Variants in COL21A1 observed in about 807,000 individuals in gnomAD.
COL21A1 encodes the protein collagen alpha-1(XXI) chain.
In COL21A1, 149 loss-of-function variants were observed where a neutral mutation model predicts 137.9. The ratio of observed to expected loss-of-function variants is 1.08; its 90% CI spans 0.95 to 1.24. COL21A1 has a LOEUF of 1.24. COL21A1 is among the 50% of genes most tolerant of loss of function. The pLI is 0.00. For missense variants in COL21A1, 1,167 were observed against 1,158.4 expected (o/e 1.01, Z -0.11); for synonymous variants, 456 against 391.5 (o/e 1.16, Z -1.95).
intron 25 of COL21A1, 44 bp downstream of exon 25, chr6:56,061,605 C>T: frequency 7.0e-7 from 1 of 1,432,162 alleles, no homozygotes; most frequent in Non-Finnish European, 9.7e-7. Flanking sequence ...GCAAAAAGGA[C>T]CGAAGAAAGA....
intron 17 of COL21A1, among the ~76,000 whole-genome samples, chr6:56,088,289 G>A (rs567360807): frequency 3.3e-5 from 5 of 152,128 alleles, no homozygotes; most frequent in Admixed American, 6.5e-5. Context: ...GCTTGACCCC[G>A]GGAGGTGGAG....
intron 1 of COL21A1, among the ~76,000 whole-genome samples, chr6:56,190,665 G>A (rs1778607982): frequency 6.6e-6 from 1 of 152,208 alleles, no homozygotes; most frequent in South Asian, 2.1e-4. Context: ...AAATATCCCT[G>A]ATGAACATCG....
intron 1 of COL21A1, among the ~76,000 whole-genome samples, chr6:56,354,444 GA>G (rs1765785955): frequency 6.6e-6 from 1 of 152,008 alleles, no homozygotes; most frequent in Non-Finnish European, 1.5e-5. Context: ...ATGACAAAAA[GA>G]GTAGCCATTT....
At chr6:56,211,213 GTATATGTATATATACATA>G (rs973538589) in intron 1 of COL21A1, among the ~76,000 whole-genome samples, 2 of 29,638 alleles carry the variant, frequency 6.7e-5, no homozygotes, top group Non-Finnish European at 1.2e-4. Context: ...ACATATATAT[GTATATGTATATATACATA>G]TATATGTATA....
At chr6:56,061,065 T>C (rs747381927) in intron 25 of COL21A1, 28 bp from the exon 26 acceptor site, 1 of 1,559,204 alleles carries the variant, frequency 6.4e-7, no homozygotes, top group Non-Finnish European at 8.6e-7. Flanking sequence ...CTTTACAAGT[T>C]CTATTTAAAT....
intron 16 of COL21A1, among the ~76,000 whole-genome samples, chr6:56,117,775 G>T (rs1262391267): frequency 6.6e-6 from 1 of 151,840 alleles, no homozygotes; most frequent in Non-Finnish European, 1.5e-5. Flanking sequence ...TCAATAACAA[G>T]AGGTATTTTG....
At chr6:56,077,318 G>A (rs1032377371) in intron 18 of COL21A1, among the ~76,000 whole-genome samples, 18 of 151,248 alleles carry the variant, frequency 1.2e-4, no homozygotes, top group Non-Finnish European at 1.6e-4. Context: ...AAAGGAGGAA[G>A]CATATAATGT....
In COL21A1 at chr6:56,141,998, A is replaced by T; in HGVS notation, c.1435-15T>A. On this transcript the variant is annotated splice_polypyrimidine_tract_variant and intron_variant, in intron 10 of 29. Transcript: ENST00000244728. ...CCCTGATATCCCTAAAGAAAAATTT[A>T]AAAAGAAAAAAAATAATATTTCATC... 1 of 1,479,608 alleles carries T rather than the reference A, an allele frequency of 6.8e-7. No homozygotes were observed. The highest frequency in any genetic ancestry group is 9.1e-7 in the Non-Finnish European group (1 of 1,096,592). The allele number at this position is 1,479,608 out of a possible 1,614,324, so 91.7% of individuals were successfully genotyped here.
chr6:56,082,332 C>A (rs1175762352), intron 17 of COL21A1, among the ~76,000 whole-genome samples: 5 of 109,030 alleles, frequency 4.6e-5, no homozygotes, highest in Non-Finnish European at 8.1e-5. Context: ...TTAAAACAAA[C>A]AAACAAACAA....
rs35462264 is a variant in COL21A1 at position 56,292,391 on chromosome 6, AC to A, written c.-39+101579del. 6.0e-3 allele frequency among the ~76,000 whole-genome samples: 758 copies of A among 125,308 alleles called. 21 individuals carry two copies. Among genetic ancestry groups the A allele is most frequent in the African/African-American group, 0.015 (531 of 34,924 alleles). The allele number at this position is 125,308 out of a possible 152,430, so 82.2% of individuals were successfully genotyped here. ...TGTAATTAATATCAACAAAACAGGGACCCCCCCCCTCCCCCGCCAAAGAGAG... is the reference window on the plus strand; with the variant it reads ...TGTAATTAATATCAACAAAACAGGGACCCCCCCCTCCCCCGCCAAAGAGAG... On this transcript the variant is annotated intron_variant, in intron 1 of 28. Coordinates refer to the COL21A1 transcript ENST00000370819.
intron 17 of COL21A1, among the ~76,000 whole-genome samples, chr6:56,098,036 T>A (rs1460975404): frequency 1.8e-5 from 1 of 54,374 alleles, no homozygotes; most frequent in South Asian, 7.9e-4. Flanking sequence ...TATATGTAAA[T>A]ATATAAATAT....
At chr6:56,187,155 T>C (rs1582592462) in intron 1 of COL21A1, among the ~76,000 whole-genome samples, 1 of 151,194 alleles carries the variant, frequency 6.6e-6, no homozygotes, top group African/African-American at 2.4e-5. Context: ...CTGGTGGGGG[T>C]TTTCTGCAGA....
At chr6:56,334,566 G>A (rs1765297799) in intron 1 of COL21A1, among the ~76,000 whole-genome samples, 1 of 152,096 alleles carries the variant, frequency 6.6e-6, no homozygotes, top group Admixed American at 6.6e-5. Context: ...TAGAAAGATG[G>A]CTGCATGGCC....
intron 17 of COL21A1, among the ~76,000 whole-genome samples, chr6:56,085,645 T>C (rs1255332805): frequency 6.6e-6 from 1 of 151,986 alleles, no homozygotes; most frequent in Non-Finnish European, 1.5e-5. Context: ...GATCTACTTG[T>C]TTCAAAGTCT....
At chr6:56,090,768 AT>A (rs1039278377) in intron 17 of COL21A1, among the ~76,000 whole-genome samples, 8 of 152,158 alleles carry the variant, frequency 5.3e-5, no homozygotes, top group South Asian at 4.1e-4. Flanking sequence ...ATACAATTGA[AT>A]TTTCAAATTG....
At chr6:56,185,580 C>G (rs1030318030) in intron 1 of COL21A1, among the ~76,000 whole-genome samples, 5 of 150,714 alleles carry the variant, frequency 3.3e-5, no homozygotes, top group Non-Finnish European at 7.4e-5. Context: ...GGACTACAGG[C>G]GCCCGCCACT....
At chr6:56,106,004 C>T (rs1052018464) in intron 16 of COL21A1, among the ~76,000 whole-genome samples, 2 of 152,208 alleles carry the variant, frequency 1.3e-5, no homozygotes, top group Non-Finnish European at 1.5e-5. Context: ...TCAGCCTATG[C>T]TTACGTTCAA....
intron 2 of COL21A1, among the ~76,000 whole-genome samples, chr6:56,180,394 TA>T (rs993015358): frequency 2.6e-5 from 4 of 152,328 alleles, no homozygotes; most frequent in Middle Eastern, 3.4e-3. Flanking sequence ...TAATAGTTGA[TA>T]AAAGTTAAAT....
intron 17 of COL21A1, among the ~76,000 whole-genome samples, chr6:56,092,960 G>C (rs1279900092): frequency 1.3e-5 from 2 of 151,948 alleles, no homozygotes; most frequent in African/African-American, 4.8e-5. Flanking sequence ...GCATTCTTTG[G>C]CTTGTGGATA....
Sources: gnomAD v4.1 joint callset for allele counts (sites outside exome capture counted in the v4.1 genomes callset) on GRCh38, gnomAD v4.1.1 for gene constraint, MANE v1.5 for transcripts, NCBI Gene and HGNC (gene_info 2026-07-23, HGNC 2026-07-21) for gene names.